ELMO1: variants seen among roughly 807,000 people sequenced by gnomAD.
The protein encoded by ELMO1 is engulfment and cell motility protein 1.
A neutral mutation model predicts 98.9 loss-of-function variants in ELMO1; 26 were observed. That is an observed-to-expected ratio of 0.26 (90% CI 0.19 to 0.36). The LOEUF (loss-of-function observed/expected upper bound fraction) is 0.36, where lower values mean the gene tolerates loss of function less well. ELMO1 is among the 10% of genes least tolerant of loss of function. ELMO1 has a pLI of 1.00. For synonymous variants in ELMO1, 346 were observed against 346.0 expected, an observed-to-expected ratio of 1.00 and a Z score of 0.00; for missense variants, 627 against 935.2, an observed-to-expected ratio of 0.67 and a Z score of 4.30.
intron 16 of ELMO1, among the ~76,000 whole-genome samples, chr7:36,981,475 C>T (rs1232380905): frequency 1.3e-5 from 2 of 152,036 alleles, no homozygotes; most frequent in Non-Finnish European, 2.9e-5. Context: ...TCTCGCTAAA[C>T]AAAATTTGTA....
intron 1 of ELMO1, among the ~76,000 whole-genome samples, chr7:37,358,406 C>T (rs778411385): frequency 1.3e-5 from 2 of 152,100 alleles, no homozygotes; most frequent in Non-Finnish European, 2.9e-5. Flanking sequence ...CAAATACAGA[C>T]ACACAAATCC....
chr7:37,161,873 C>G (rs1182184150), intron 13 of ELMO1, among the ~76,000 whole-genome samples: 1 of 113,032 alleles, frequency 8.8e-6, no homozygotes, highest in East Asian at 2.7e-4. Flanking sequence ...AAGGCTTCCA[C>G]TAAGGCATTA....
Position 36,870,297 on chromosome 7 carries a change from C to T in ELMO1, c.1905+96G>A. 9.8e-7 allele frequency: 1 copy of T among 1,025,522 alleles called. No homozygotes were observed. Among genetic ancestry groups the T allele is most frequent in the Non-Finnish European group, 1.5e-6 (1 of 665,352 alleles). 63.5% of individuals were successfully genotyped at this position (1,025,522 alleles called of 1,614,324 possible). The stretch of plus-strand genomic sequence containing the variant: ...AGAGATGTGTGTCTGAACACACGCA[C>T]ACACACGAACACTGCTATAAAGGAG... On this transcript the variant is annotated intron_variant, in intron 20 of 21. Coordinates refer to ENST00000310758, the MANE Select transcript of ELMO1 (RefSeq NM_014800.11). The surrounding 1 kb of genome is among the most constrained non-coding windows in gnomAD (Gnocchi z 4.4).
At chr7:36,978,273 C>T (rs1191526530) in intron 16 of ELMO1, among the ~76,000 whole-genome samples, 1 of 151,514 alleles carries the variant, frequency 6.6e-6, no homozygotes, top group African/African-American at 2.4e-5. Flanking sequence ...CACCAGGGGA[C>T]CTAAGTTGTC....
intron 16 of ELMO1, among the ~76,000 whole-genome samples, chr7:36,953,939 T>C (rs1047180375): frequency 2.0e-5 from 3 of 151,800 alleles, no homozygotes; most frequent in Admixed American, 1.3e-4. Context: ...GGGAATTAAA[T>C]GTTTCAATAC....
intron 16 of ELMO1, among the ~76,000 whole-genome samples, chr7:36,936,974 T>A (rs1182492178): frequency 6.6e-6 from 1 of 152,232 alleles, no homozygotes; most frequent in Non-Finnish European, 1.5e-5. Context: ...TAGGGGGTTC[T>A]CCCAGGGATC....
At chr7:37,386,016 G>A (rs1802788529) in intron 1 of ELMO1, among the ~76,000 whole-genome samples, 1 of 152,222 alleles carries the variant, frequency 6.6e-6, no homozygotes, top group South Asian at 2.1e-4. Flanking sequence ...CTCCAGGGCT[G>A]TCTTTCAGAT....
chr7:37,317,370 T>C (rs1799240941), intron 2 of ELMO1, among the ~76,000 whole-genome samples: 1 of 152,160 alleles, frequency 6.6e-6, no homozygotes, highest in South Asian at 2.1e-4. Flanking sequence ...ATAAACACAC[T>C]TGGAGGTGTT....
intron 1 of ELMO1, among the ~76,000 whole-genome samples, chr7:37,382,334 T>G (rs1353911145): frequency 1.3e-5 from 2 of 152,242 alleles, no homozygotes; most frequent in East Asian, 1.9e-4. Context: ...ATTTCCCAAA[T>G]AGTAACATTT....
intron 13 of ELMO1, among the ~76,000 whole-genome samples, chr7:37,153,381 G>A (rs112097445): frequency 0.034 from 5,213 of 152,262 alleles, 142 homozygotes; most frequent in East Asian, 0.14. Context: ...CCCTTTCCTA[G>A]CCAAGGGAAG....
At chr7:37,407,959 A>G (rs2131485128) in intron 1 of ELMO1, among the ~76,000 whole-genome samples, 1 of 152,308 alleles carries the variant, frequency 6.6e-6, no homozygotes, top group Middle Eastern at 3.4e-3. Context: ...AATTTCTCTT[A>G]GAAAAAAATT....
chr7:36,892,081 T>TTGA (rs1232308652), intron 17 of ELMO1, among the ~76,000 whole-genome samples: 1 of 152,100 alleles, frequency 6.6e-6, no homozygotes, highest in African/African-American at 2.4e-5. Context: ...GAATATATAT[T>TTGA]CCCCCAAAAT....
chr7:37,150,934 A>G (rs527809726), intron 13 of ELMO1, among the ~76,000 whole-genome samples: 11 of 152,256 alleles, frequency 7.2e-5, no homozygotes, highest in Non-Finnish European at 1.2e-4. Context: ...TTGGCTTCTC[A>G]TCCTCGACCC....
At chr7:37,073,344 T>C (rs1270833991) in intron 15 of ELMO1, among the ~76,000 whole-genome samples, 1 of 152,214 alleles carries the variant, frequency 6.6e-6, no homozygotes, top group Non-Finnish European at 1.5e-5. Context: ...CCACATTTTT[T>C]ATATATACAT....
At chr7:37,061,791 T>C (rs891833081) in intron 15 of ELMO1, among the ~76,000 whole-genome samples, 4 of 152,246 alleles carry the variant, frequency 2.6e-5, no homozygotes, top group Admixed American at 6.5e-5. Flanking sequence ...TCATGGGGTT[T>C]TCTCTATGAC....
intron 1 of ELMO1, among the ~76,000 whole-genome samples, chr7:37,360,312 G>A (rs1801652740): frequency 6.6e-6 from 1 of 151,854 alleles, no homozygotes; most frequent in Non-Finnish European, 1.5e-5. Flanking sequence ...AGCATTTAAT[G>A]AGCTTATTAT....
In ELMO1 at chr7:36,894,962, G is replaced by T; in HGVS notation, c.1493C>A (p.Ser498Tyr). 6.2e-7 allele frequency: 1 copy of T among 1,614,070 alleles called. No homozygotes were observed. The highest frequency in any genetic ancestry group is 8.5e-7 in the Non-Finnish European group (1 of 1,180,002). The change falls in exon 17 of 22, where the codon TCC becomes TAC. Residue 498 changes from serine (S) to tyrosine (Y), a missense_variant. Physicochemically the swap from Ser to Tyr is moderately radical, Grantham distance 144. Coordinates refer to ENST00000310758, the MANE Select transcript of ELMO1 (RefSeq NM_014800.11). ...CAGTTTGCTCTTGAACTGGTCCAGGGAGCTAGGCTTGGTTGTAAGTGCTCT... is the reference window on the plus strand; with the variant it reads ...CAGTTTGCTCTTGAACTGGTCCAGGTAGCTAGGCTTGGTTGTAAGTGCTCT... ...VMRALTTKPS[S>Y]LDQFKSKLQN... is the part of the protein sequence containing the mutation.
At chr7:37,420,370 C>T (rs77218316) in intron 1 of ELMO1, among the ~76,000 whole-genome samples, 1,939 of 152,330 alleles carry the variant, frequency 0.013, 29 homozygotes, top group African/African-American at 0.045. Flanking sequence ...ATCTTCAGAG[C>T]CTTCCACTTG....
chr7:37,120,847 C>T (rs1182641584), intron 14 of ELMO1, among the ~76,000 whole-genome samples: 1 of 152,186 alleles, frequency 6.6e-6, no homozygotes, highest in Non-Finnish European at 1.5e-5. Context: ...TCCCTGACCC[C>T]TAAGTAGCCT....
Sources: gnomAD v4.1 joint callset for allele counts (sites outside exome capture counted in the v4.1 genomes callset) on GRCh38, gnomAD v4.1.1 for gene constraint, Gnocchi (gnomAD v3.1) non-coding constraint, MANE v1.5 for transcripts, NCBI Gene and HGNC (gene_info 2026-07-23, HGNC 2026-07-21) for gene names.